HMCN1: variants seen among roughly 807,000 people sequenced by gnomAD.
The protein encoded by HMCN1 is hemicentin 1.
A neutral mutation model predicts 625.9 loss-of-function variants in HMCN1; 321 were observed. That is an observed-to-expected ratio of 0.51 (90% CI 0.47 to 0.56). The LOEUF (loss-of-function observed/expected upper bound fraction) is 0.56, where lower values mean the gene tolerates loss of function less well. Ranked by LOEUF, HMCN1 falls within the 20% of genes least tolerant of loss-of-function variation. The pLI, the probability that HMCN1 is intolerant of heterozygous loss-of-function variation, is 0.00. For synonymous variants in HMCN1, 2,425 were observed against 2,417.6 expected, an observed-to-expected ratio of 1.00 and a Z score of -0.09; for missense variants, 6,588 against 6,887.3, an observed-to-expected ratio of 0.96 and a Z score of 1.54.
At chr1:185,807,937 G>A (rs904991974) in intron 1 of HMCN1, among the ~76,000 whole-genome samples, 13 of 152,090 alleles carry the variant, frequency 8.5e-5, no homozygotes, top group Non-Finnish European at 1.9e-4. Context: ...GGAACTTTCT[G>A]TTCTAATTTC....
chr1:185,984,227 T>G lies in HMCN1; in HGVS notation c.2849T>G (p.Val950Gly). 1 of 1,613,360 alleles carries G rather than the reference T, an allele frequency of 6.2e-7. No individual in the cohort carries two copies. The highest frequency in any genetic ancestry group is 8.5e-7 in the Non-Finnish European group (1 of 1,179,508). Residue 950 changes from valine to glycine, a missense_variant, in exon 19 of 107, where the codon GTT (valine) becomes GGT (glycine). Physicochemically the swap from Val to Gly is moderately radical, Grantham distance 109. This residue lies in a region of HMCN1 where 4,628 missense variants were observed against 4,853.1 expected (regional missense o/e 0.95). Coordinates refer to ENST00000271588, the MANE Select transcript of HMCN1 (RefSeq NM_031935.3). The part of the protein sequence containing the change: ...RSDGSLHIER[V>G]QLQDGGEYTC... ...GATGGGAGCCTCCATATTGAAAGAG[T>G]TCAGCTTCAGGATGGTGGTGAATAT...
At chr1:185,746,560 G>A (rs912660640) in intron 1 of HMCN1, among the ~76,000 whole-genome samples, 3 of 149,932 alleles carry the variant, frequency 2.0e-5, no homozygotes, top group South Asian at 2.1e-4. Flanking sequence ...TGCCTTTGTC[G>A]TCACATGGTG....
intron 36 of HMCN1, among the ~76,000 whole-genome samples, chr1:186,031,898 C>T (rs946325991): frequency 3.3e-5 from 5 of 151,928 alleles, no homozygotes; most frequent in African/African-American, 1.2e-4. Context: ...TTCTTTGGTT[C>T]TTTATAGATG....
intron 6 of HMCN1, among the ~76,000 whole-genome samples, chr1:185,916,556 A>G (rs998067827): frequency 1.3e-5 from 2 of 152,144 alleles, no homozygotes; most frequent in African/African-American, 4.8e-5. Context: ...TAAATCATAC[A>G]TTGTATCTTT....
intron 11 of HMCN1, among the ~76,000 whole-genome samples, chr1:185,951,312 T>A (rs1040809473): frequency 2.6e-5 from 4 of 151,518 alleles, no homozygotes; most frequent in South Asian, 2.1e-4. Context: ...AAAGGAGTGC[T>A]TAAAAGAGTA....
chr1:185,818,972 G>A (rs1158509017), intron 1 of HMCN1, among the ~76,000 whole-genome samples: 6 of 151,176 alleles, frequency 4.0e-5, no homozygotes, highest in Admixed American at 3.3e-4. Context: ...TTACCTGGAA[G>A]CCATGCCTGT....
chr1:185,860,402 A>G (rs945487503), intron 2 of HMCN1, among the ~76,000 whole-genome samples: 1 of 152,298 alleles, frequency 6.6e-6, no homozygotes, highest in Non-Finnish European at 1.5e-5. Context: ...AGCTGCATAG[A>G]GCACTCCTAA....
rs548831756 is a variant in HMCN1 at position 186,131,509 on chromosome 1, A to G, written c.13230+812A>G. 1.6e-4 allele frequency among the ~76,000 whole-genome samples: 24 copies of G among 152,250 alleles called. No homozygotes were observed. The East Asian group carries it at 4.6e-3, about 29-fold the overall frequency. On this transcript the variant is annotated intron_variant, in intron 85 of 106. Transcript: ENST00000271588. ...AATTTAAAATTCCTAAAACTGTAGT[A>G]TCTCCAATGCTGAAACTCTTCCATT...
At chr1:186,174,389 G>A in intron 102 of HMCN1, 125 bp from the exon 103 acceptor site, 1 of 1,078,564 alleles carries the variant, frequency 9.3e-7, no homozygotes, top group Non-Finnish European at 1.4e-6. Context: ...GTTGTAAGCT[G>A]GTATGATCTC....
At chr1:186,129,388 TAAATA>T (rs1661807881) in intron 83 of HMCN1, among the ~76,000 whole-genome samples, 1 of 151,366 alleles carries the variant, frequency 6.6e-6, no homozygotes, top group Non-Finnish European at 1.5e-5. Flanking sequence ...CATAAATTTT[TAAATA>T]AAATATATGC....
chr1:185,845,964 C>T, intron 1 of HMCN1, 62 bp from the exon 2 acceptor site: 1 of 1,056,444 alleles, frequency 9.5e-7, no homozygotes, highest in Non-Finnish European at 1.5e-6. Flanking sequence ...TCTATAAACA[C>T]AAGAAAGTCT....
At chr1:186,076,271 T>G (rs1658805959) in intron 53 of HMCN1, among the ~76,000 whole-genome samples, 157 bp from the exon 54 acceptor site, 1 of 152,166 alleles carries the variant, frequency 6.6e-6, no homozygotes, top group Admixed American at 6.5e-5. Context: ...GTACTACTTT[T>G]TTGGCTAAGG....
intron 89 of HMCN1, 56 bp downstream of exon 89, chr1:186,138,028 T>C (rs1239708467): frequency 6.3e-7 from 1 of 1,579,938 alleles, no homozygotes; most frequent in Non-Finnish European, 8.7e-7. Flanking sequence ...TTAACCCCTA[T>C]GAAAGAATTA....
At chr1:185,933,922 C>T in intron 11 of HMCN1, 98 bp downstream of exon 11, 1 of 978,144 alleles carries the variant, frequency 1.0e-6, no homozygotes, top group Admixed American at 1.7e-5. Context: ...GTGAGAGTAT[C>T]TACCCAAATA....
In HMCN1 at chr1:186,017,007, G is replaced by A; in HGVS notation, c.5236G>A (p.Val1746Met). The change falls in exon 33 of 107, where the codon GTG becomes ATG. Residue 1746 changes from valine (V) to methionine (M), a missense_variant. Physicochemically the swap from Val to Met is conservative, Grantham distance 21 (BLOSUM62 1). This residue lies in a region of HMCN1 where 4,628 missense variants were observed against 4,853.1 expected (regional missense o/e 0.95). Transcript: ENST00000271588. ...EGGDETSYFI[V>M]MVNNLLELDC... Reference sequence around the variant, plus strand: ...AGGAGATGAAACATCTTACTTCATTGTGATGGTTAATAACTTACTGGAGCT... The same window carrying A: ...AGGAGATGAAACATCTTACTTCATTATGATGGTTAATAACTTACTGGAGCT... The A allele has an allele frequency of 6.2e-7, 1 of 1,609,944 alleles. No homozygotes were observed. The highest frequency in any genetic ancestry group is 8.5e-7 in the Non-Finnish European group (1 of 1,176,550).
At chr1:186,178,813 G>A in intron 104 of HMCN1, 47 bp downstream of exon 104, 1 of 1,251,272 alleles carries the variant, frequency 8.0e-7, no homozygotes, top group South Asian at 1.2e-5. Flanking sequence ...CTCTCTTACT[G>A]ATCAAAGTAT....
In HMCN1 at chr1:186,015,414, A is replaced by G; in HGVS notation, c.4886A>G (p.Lys1629Arg). 6.2e-7 allele frequency: 1 copy of G among 1,613,616 alleles called. No homozygotes were observed. The highest frequency in any genetic ancestry group is 8.5e-7 in the Non-Finnish European group (1 of 1,179,672). The change falls in exon 31 of 107, where the codon AAA becomes AGA. Residue 1629 changes from lysine (K) to arginine (R), a missense_variant. Transcript: ENST00000271588. Reference protein sequence around the residue: ...HVANVAGTAEKSFHVDVYVPP... With the variant: ...HVANVAGTAERSFHVDVYVPP... The stretch of plus-strand genomic sequence containing the variant: ...GCCAATGTTGCTGGAACTGCTGAAA[A>G]ATCATTCCATGTGGATGTCTATGGT...
At chr1:186,137,087 T>C (rs540325284) in intron 87 of HMCN1, 150 bp downstream of exon 87, 1 of 969,740 alleles carries the variant, frequency 1.0e-6, no homozygotes, top group African/African-American at 1.6e-5. Context: ...ATTTACAGAT[T>C]GAAGGGCCTA....
intron 1 of HMCN1, among the ~76,000 whole-genome samples, chr1:185,787,383 G>T (rs533687058): frequency 3.3e-5 from 5 of 152,120 alleles, no homozygotes; most frequent in Non-Finnish European, 7.4e-5. Context: ...ATCAGCAGGC[G>T]CATGCCATAC....
Sources: allele counts gnomAD v4.1 joint callset (sites outside exome capture counted in the v4.1 genomes callset), GRCh38; gene constraint gnomAD v4.1.1; regional missense constraint gnomAD v4.1.1; transcripts MANE v1.5; gene names NCBI Gene and HGNC (gene_info 2026-07-23, HGNC 2026-07-21).